The following GSTA5 variants were observed in gnomAD, a reference collection of about 807,000 sequenced individuals.
The protein encoded by GSTA5 is glutathione S-transferase alpha 5, also known as glutathione S-transferase A5.
GSTA5 carries 25 observed loss-of-function variants against 21.8 expected under a neutral mutation model. The ratio of observed to expected loss-of-function variants is 1.14; its 90% CI spans 0.83 to 1.60. The LOEUF is 1.60. Ranked by LOEUF, GSTA5 falls within the 40% of genes most tolerant of loss-of-function variation. GSTA5 has a pLI of 0.00. For missense variants in GSTA5, 330 were observed against 259.2 expected (o/e 1.27, Z -1.88); for synonymous variants, 102 against 89.5 (o/e 1.14, Z -0.78).
intron 1 of GSTA5, among the ~76,000 whole-genome samples, chr6:52,839,841 G>C (rs1165321634): frequency 6.6e-6 from 1 of 152,204 alleles, no homozygotes; most frequent in Non-Finnish European, 1.5e-5. Context: ...GTAACACTGG[G>C]GAATGCTTGG....
chr6:52,833,729 G>A (rs1764250315), intron 4 of GSTA5, among the ~76,000 whole-genome samples: 1 of 152,132 alleles, frequency 6.6e-6, no homozygotes, highest in South Asian at 2.1e-4. Context: ...TGGGCAATTG[G>A]TTTCCTGTCT....
chr6:52,836,534 CAG>C (rs1305740944), intron 2 of GSTA5, among the ~76,000 whole-genome samples, 166 bp from the exon 3 acceptor site: 1 of 152,162 alleles, frequency 6.6e-6, no homozygotes, highest in Non-Finnish European at 1.5e-5. Flanking sequence ...TTTTTTGAGA[CAG>C]AGTCTCACTC....
intron 1 of GSTA5, among the ~76,000 whole-genome samples, chr6:52,840,374 G>A (rs1423461643): frequency 6.6e-6 from 1 of 152,102 alleles, no homozygotes; most frequent in Non-Finnish European, 1.5e-5. Context: ...GATAACCATA[G>A]TACATTATCA....
intron 4 of GSTA5, among the ~76,000 whole-genome samples, chr6:52,833,767 T>C (rs1313013154): frequency 2.6e-5 from 4 of 152,254 alleles, no homozygotes; most frequent in East Asian, 3.8e-4. Flanking sequence ...GAATATTTTC[T>C]GATGGATCAC....
At chr6:52,845,409 C>A (rs1764440797), upstream of GSTA5, among the ~76,000 whole-genome samples, 3 of 152,178 alleles carry the variant, frequency 2.0e-5, no homozygotes, top group Non-Finnish European at 4.4e-5. Flanking sequence ...GGCAGGGACG[C>A]TTAGAAACCT....
At chr6:52,840,954 G>T, upstream of GSTA5, 1 of 694,000 alleles carries the variant, frequency 1.4e-6, no homozygotes, top group Non-Finnish European at 2.4e-6. Context: ...TCATGACTGG[G>T]TTGAAGGAGT....
At chr6:52,834,467 C>T (rs765468274) in intron 3 of GSTA5, among the ~76,000 whole-genome samples, 185 bp from the exon 4 acceptor site, 2 of 152,152 alleles carry the variant, frequency 1.3e-5, no homozygotes, top group Admixed American at 1.3e-4. Context: ...CTGATTTTTA[C>T]AGGTATATTA....
chr6:52,837,058 G>A (rs896319282), intron 2 of GSTA5, among the ~76,000 whole-genome samples: 10 of 152,096 alleles, frequency 6.6e-5, no homozygotes, highest in Admixed American at 3.9e-4. Flanking sequence ...TGGTGTTTGC[G>A]ACATCTAAGG....
At chr6:52,845,088 A>G (rs1764435125), upstream of GSTA5, among the ~76,000 whole-genome samples, 1 of 152,150 alleles carries the variant, frequency 6.6e-6, no homozygotes, top group Non-Finnish European at 1.5e-5. Flanking sequence ...ATATGAATCC[A>G]GACATATCAA....
In GSTA5 at chr6:52,831,917, A is replaced by G. The variant is rs530698006; in HGVS notation, c.600T>C (p.Pro200=). ...CCATGGGAGGCTTTCTCTGGCTGCC[A>G]GGCTGCAGAAACTTCTTCACCGTGG... is the stretch of plus-strand genomic sequence containing the variant. The change falls in exon 6 of 6, where the codon CCT becomes CCC. Residue 200 remains proline, a synonymous_variant. Coordinates refer to ENST00000370989, the Ensembl canonical transcript of GSTA5. The G allele has an allele frequency of 1.5e-5, 24 of 1,613,924 alleles. 1 individual carries two copies. In the South Asian group the frequency reaches 2.2e-4, roughly 15 times the overall value.
chr6:52,832,081 T>C, intron 5 of GSTA5, 111 bp from the exon 6 acceptor site: 2 of 1,454,108 alleles, frequency 1.4e-6, no homozygotes, highest in Non-Finnish European at 1.8e-6. Context: ...GTCCCCTCCA[T>C]GAGTACCAGC....
chr6:52,833,325 G>A (rs1407345159), intron 4 of GSTA5, among the ~76,000 whole-genome samples: 1 of 152,126 alleles, frequency 6.6e-6, no homozygotes, highest in Non-Finnish European at 1.5e-5. Context: ...ACAGCGTGGA[G>A]CCCTCACATT....
intron 4 of GSTA5, 31 bp downstream of exon 4, chr6:52,834,110 G>T (rs375290367): frequency 2.5e-6 from 4 of 1,613,630 alleles, no homozygotes; most frequent in African/African-American, 2.7e-5. Context: ...TCTAAACTCA[G>T]TTCCCCTAAA....
At chr6:52,846,160 G>A in the GSTA5 span, 5,096 of 168,170 alleles carry the variant, frequency 0.03, 113 homozygotes, top group Middle Eastern at 0.061. Context: ...CCCACTGAAA[G>A]GAGAAAGGTC....
upstream of GSTA5, among the ~76,000 whole-genome samples, chr6:52,842,927 G>C (rs1159832468): frequency 6.6e-6 from 1 of 152,082 alleles, no homozygotes; most frequent in Non-Finnish European, 1.5e-5. Context: ...ATAGGTCCCG[G>C]TGTGTGATGT....
chr6:52,833,733 C>T (rs889791974), intron 4 of GSTA5, among the ~76,000 whole-genome samples: 1 of 152,290 alleles, frequency 6.6e-6, no homozygotes, highest in Middle Eastern at 3.4e-3. Context: ...CAATTGGTTT[C>T]CTGTCTTCCT....
rs140808504 is a variant in GSTA5, at chr6:52,836,400, G to T, written c.140-32C>A. ...AAGAAGAAAAAAAAAGGAGTATGAA[G>T]TGTCTATGAAACCCACCCTTTTGGG... On this transcript the variant is annotated intron_variant, in intron 2 of 5. Transcript: ENST00000370989. 19 of 1,608,466 alleles carry T rather than the reference G, an allele frequency of 1.2e-5. No individual in the cohort carries two copies. The African/African-American group carries it at 2.4e-4, about 20-fold the overall frequency.
chr6:52,841,140 T>G (rs1473357189), upstream of GSTA5, among the ~76,000 whole-genome samples: 2 of 152,234 alleles, frequency 1.3e-5, no homozygotes, highest in Non-Finnish European at 1.5e-5. Flanking sequence ...CTAATATTTA[T>G]TGAAAACTTC....
chr6:52,836,787 C>G (rs1410570937), intron 2 of GSTA5, among the ~76,000 whole-genome samples: 4 of 152,234 alleles, frequency 2.6e-5, no homozygotes, highest in Non-Finnish European at 5.9e-5. Context: ...GCTGGGATTA[C>G]AGGTGTGAGC....
Sources: allele counts gnomAD v4.1 joint callset (sites outside exome capture counted in the v4.1 genomes callset), GRCh38; gene constraint gnomAD v4.1.1; transcripts MANE v1.5; gene names NCBI Gene and HGNC (gene_info 2026-07-23, HGNC 2026-07-21).